The following MRTFA variants were observed in gnomAD, a reference collection of about 807,000 sequenced individuals.
MRTFA encodes the protein myocardin related transcription factor A, also known as myocardin-related transcription factor A.
MRTFA carries 20 observed loss-of-function variants against 83.5 expected under a neutral mutation model. The observed-to-expected ratio is 0.24, with a 90% CI of 0.17 to 0.35. The LOEUF is 0.35. MRTFA is among the 10% of genes least tolerant of loss of function. MRTFA has a pLI of 1.00. For missense variants in MRTFA, 1,200 were observed against 1,224.7 expected (o/e 0.98, Z 0.30); for synonymous variants, 659 against 541.2 (o/e 1.22, Z -3.02).
At chr22:40,497,845 G>A (rs982082101) in intron 3 of MRTFA, among the ~76,000 whole-genome samples, 1 of 151,878 alleles carries the variant, frequency 6.6e-6, no homozygotes, top group Non-Finnish European at 1.5e-5. Context: ...AGTTTAAGAT[G>A]TACCTTGGCC....
At chr22:40,559,352 C>T (rs1036035886) in intron 2 of MRTFA, among the ~76,000 whole-genome samples, 31 of 152,286 alleles carry the variant, frequency 2.0e-4, no homozygotes, top group African/African-American at 6.0e-4. Context: ...CATGCCACTG[C>T]ACTCCAGCCT....
intron 2 of MRTFA, among the ~76,000 whole-genome samples, chr22:40,558,920 G>A (rs2055573188): frequency 6.6e-6 from 1 of 151,708 alleles, no homozygotes; most frequent in Admixed American, 6.6e-5. Context: ...CGAGTAGCTG[G>A]GATTACAGGC....
chr22:40,460,780 TAG>T (rs1260165439), intron 4 of MRTFA, among the ~76,000 whole-genome samples: 1 of 151,998 alleles, frequency 6.6e-6, no homozygotes, highest in African/African-American at 2.4e-5. Context: ...GAACTGGGGG[TAG>T]AGAGTCCTTC....
At chr22:40,495,604 T>C (rs2147210292) in intron 3 of MRTFA, among the ~76,000 whole-genome samples, 1 of 126,598 alleles carries the variant, frequency 7.9e-6, no homozygotes, top group East Asian at 2.4e-4. Context: ...ACTAAAAATA[T>C]AAAAATTAGC....
intron 6 of MRTFA, 49 bp from the exon 7 acceptor site, chr22:40,429,816 G>A: frequency 6.5e-7 from 1 of 1,543,392 alleles, no homozygotes; most frequent in Non-Finnish European, 8.7e-7. Flanking sequence ...AGTGGACGTG[G>A]TTCTGCCCCG....
chr22:40,592,274 A>G (rs1031423654), intron 2 of MRTFA, among the ~76,000 whole-genome samples: 19 of 150,984 alleles, frequency 1.3e-4, no homozygotes, highest in Non-Finnish European at 2.4e-4. Context: ...TACAAAAAAA[A>G]AAAAAAAAAA....
Position 40,423,673 on chromosome 22 carries a change from G to A in MRTFA, c.790C>T (p.Leu264Phe), listed in dbSNP as rs2052891722. 1.3e-6 allele frequency: 2 copies of A among 1,569,578 alleles called. No individual in the cohort carries two copies. The highest frequency in any genetic ancestry group is 1.7e-6 in the Non-Finnish European group (2 of 1,156,642). The change falls in exon 9 of 15, where the codon CTT (leucine) becomes TTT (phenylalanine). Residue 264 changes from leucine to phenylalanine, a missense_variant. Leu to Phe is a conservative substitution (Grantham distance 22, BLOSUM62 0). Around this residue, in one of 2 missense-constraint regions of MRTFA, gnomAD observed 1,107 missense variants for 1,041.8 expected, o/e 1.06. Transcript: ENST00000355630. ...TCTCTGGAATCCCGGCCCATCGGAAGTTGAGACACAACCTGAGAGGGAAAA... is the reference window on the plus strand; with the variant it reads ...TCTCTGGAATCCCGGCCCATCGGAAATTGAGACACAACCTGAGAGGGAAAA...
chr22:40,536,778 C>T (rs1204179291), intron 3 of MRTFA, among the ~76,000 whole-genome samples: 1 of 18,216 alleles, frequency 5.5e-5, no homozygotes, highest in Non-Finnish European at 1.0e-4. Flanking sequence ...ATGTGAGGAG[C>T]GCCTCTGCCC....
At chr22:40,501,975 C>CG (rs1173875777) in intron 3 of MRTFA, among the ~76,000 whole-genome samples, 1 of 119,810 alleles carries the variant, frequency 8.3e-6, no homozygotes, top group Admixed American at 7.6e-5. Context: ...GCTGGCCGGG[C>CG]GGGGGGCTGA....
intron 3 of MRTFA, among the ~76,000 whole-genome samples, chr22:40,514,193 G>A (rs1368376325): frequency 1.3e-5 from 2 of 151,972 alleles, no homozygotes; most frequent in Admixed American, 6.6e-5. Context: ...CAGGTTGGCA[G>A]TGAGCCAAGA....
intron 1 of MRTFA, among the ~76,000 whole-genome samples, chr22:40,615,007 C>T (rs1023694158): frequency 1.3e-5 from 2 of 151,744 alleles, no homozygotes; most frequent in South Asian, 2.1e-4. Flanking sequence ...TGCAATTTAT[C>T]AATTTTTACT....
intron 3 of MRTFA, among the ~76,000 whole-genome samples, chr22:40,469,155 G>C (rs2053859152): frequency 6.6e-6 from 1 of 152,134 alleles, no homozygotes; most frequent in Non-Finnish European, 1.5e-5. Flanking sequence ...AGAACAACTA[G>C]GTAGAAATTA....
intron 4 of MRTFA, among the ~76,000 whole-genome samples, chr22:40,459,593 T>C (rs1437839873): frequency 6.6e-6 from 1 of 151,760 alleles, no homozygotes; most frequent in East Asian, 1.9e-4. Context: ...TCCGGGCTCC[T>C]GACAGAATGG....
rs1284924516 is a variant in MRTFA, at chr22:40,459,822, CAT to C, written c.307+3397_307+3398del. On this transcript the variant is annotated intron_variant, in intron 4 of 14. Transcript: ENST00000355630. The stretch of plus-strand genomic sequence containing the variant: ...ACACACACACACACACACACACACA[CAT>C]ATATACATATATATATATATATATA... Among the ~76,000 whole-genome samples, 670 of 68,196 alleles carry C rather than the reference CAT, an allele frequency of 9.8e-3. 12 individuals carry two copies. The highest frequency in any genetic ancestry group is 0.041 in the African/African-American group (637 of 15,468). 44.7% of individuals were successfully genotyped at this position (68,196 alleles called of 152,430 possible). A position where few individuals can be genotyped will look rare whatever the true frequency, so the allele number is the denominator to read the frequency against.
intron 3 of MRTFA, among the ~76,000 whole-genome samples, chr22:40,545,589 C>T (rs894519225): frequency 2.4e-4 from 36 of 152,058 alleles, no homozygotes; most frequent in African/African-American, 7.7e-4. Context: ...CCTGCCACCA[C>T]GCCCGGCTAA....
intron 2 of MRTFA, among the ~76,000 whole-genome samples, chr22:40,580,520 T>C (rs972195302): frequency 6.6e-6 from 1 of 152,174 alleles, no homozygotes; most frequent in African/African-American, 2.4e-5. Context: ...TTTTTAATTA[T>C]GAAAGTTTAT....
At chr22:40,505,329 G>A (rs1009153184) in intron 3 of MRTFA, among the ~76,000 whole-genome samples, 2 of 152,142 alleles carry the variant, frequency 1.3e-5, no homozygotes, top group Non-Finnish European at 2.9e-5. Context: ...ATCTAATCAA[G>A]AGACTACATG....
chr22:40,514,961 T>A (rs750652400), intron 3 of MRTFA, among the ~76,000 whole-genome samples: 1 of 150,028 alleles, frequency 6.7e-6, no homozygotes, highest in Non-Finnish European at 1.5e-5. Context: ...CAGGCTGGAG[T>A]GCAGTGGCAC....
At chr22:40,437,485 G>A (rs1569264726) in intron 4 of MRTFA, among the ~76,000 whole-genome samples, 1 of 152,120 alleles carries the variant, frequency 6.6e-6, no homozygotes. Flanking sequence ...TATCTGGCTG[G>A]GCATGGTGGC....
Sources: allele counts gnomAD v4.1 joint callset (sites outside exome capture counted in the v4.1 genomes callset), GRCh38; gene constraint gnomAD v4.1.1; regional missense constraint gnomAD v4.1.1; transcripts MANE v1.5; gene names NCBI Gene and HGNC (gene_info 2026-07-23, HGNC 2026-07-21).